The following C1GALT1 variants were observed in gnomAD, a reference collection of about 807,000 sequenced individuals.
C1GALT1 encodes core 1 synthase, glycoprotein-N-acetylgalactosamine 3-beta-galactosyltransferase 1.
C1GALT1 carries 11 observed loss-of-function variants against 31.0 expected under a neutral mutation model. The ratio of observed to expected loss-of-function variants is 0.36; its 90% CI spans 0.22 to 0.59. C1GALT1 has a LOEUF of 0.59. Among genes scored for constraint, C1GALT1 ranks in the 20% least tolerant of loss-of-function variants. C1GALT1 has a pLI of 0.79. For synonymous variants in C1GALT1, 175 were observed against 143.6 expected (o/e 1.22, Z -1.56); for missense variants, 424 against 425.2 (o/e 1.00, Z 0.03).
At chr7:7,222,900 G>A (rs1446577437) in intron 1 of C1GALT1, among the ~76,000 whole-genome samples, 2 of 107,152 alleles carry the variant, frequency 1.9e-5, no homozygotes, top group Non-Finnish European at 3.7e-5. Flanking sequence ...AGGTATGTGA[G>A]TTTTTTTTTG....
At chr7:7,196,284 A>C (rs941476615) in intron 1 of C1GALT1, among the ~76,000 whole-genome samples, 2 of 146,078 alleles carry the variant, frequency 1.4e-5, no homozygotes, top group African/African-American at 5.1e-5. Flanking sequence ...TCATTGTTTA[A>C]TTCCCACCTA....
At chr7:7,229,954 G>A (rs373717452) in intron 1 of C1GALT1, among the ~76,000 whole-genome samples, 2 of 152,280 alleles carry the variant, frequency 1.3e-5, no homozygotes, top group Non-Finnish European at 1.5e-5. Flanking sequence ...AGAGCAAAAG[G>A]TGTAAACATG....
At chr7:7,161,804 T>G (rs1780336147) in intron 2 of C1GALT1, among the ~76,000 whole-genome samples, 1 of 152,148 alleles carries the variant, frequency 6.6e-6, no homozygotes, top group South Asian at 2.1e-4. Flanking sequence ...CCATATTTTC[T>G]ATGGTAGGTG....
chr7:7,228,068 G>A (rs117820490), intron 1 of C1GALT1, among the ~76,000 whole-genome samples: 197 of 152,272 alleles, frequency 1.3e-3, no homozygotes, highest in Non-Finnish European at 2.0e-3. Context: ...GGGAATACTA[G>A]TCCGTACTTT....
At chr7:7,233,460 C>G (rs1285015657) in intron 1 of C1GALT1, among the ~76,000 whole-genome samples, 1 of 152,118 alleles carries the variant, frequency 6.6e-6, no homozygotes, top group Non-Finnish European at 1.5e-5. Flanking sequence ...CCATGCCCAG[C>G]TAATTTTTTA....
At chr7:7,239,672 A>G (rs1312701887) in intron 3 of C1GALT1, among the ~76,000 whole-genome samples, 1 of 152,214 alleles carries the variant, frequency 6.6e-6, no homozygotes, top group Non-Finnish European at 1.5e-5. Context: ...TGAGAATTTT[A>G]TCTAAAGTGC....
chr7:7,158,910 A>G (rs1026821211), intron 2 of C1GALT1, among the ~76,000 whole-genome samples: 2 of 152,168 alleles, frequency 1.3e-5, no homozygotes, highest in African/African-American at 4.8e-5. Context: ...AAGGCATTCT[A>G]TCTCAAACTG....
At chr7:7,204,097 G>GTTTTTTTTTTTTTT (rs74853892) in intron 1 of C1GALT1, among the ~76,000 whole-genome samples, 7 of 129,642 alleles carry the variant, frequency 5.4e-5, no homozygotes, top group Non-Finnish European at 8.1e-5. Context: ...CTCCTCTTCT[G>GTTTTTTTTTTTTTT]TTTTTTTTTT....
intron 3 of C1GALT1, among the ~76,000 whole-genome samples, chr7:7,240,030 CT>C (rs1783553532): frequency 6.6e-6 from 1 of 152,194 alleles, no homozygotes; most frequent in Non-Finnish European, 1.5e-5. Context: ...TCTATGCCTT[CT>C]TTTCTGTGGA....
intron 1 of C1GALT1, 137 bp from the exon 2 acceptor site, chr7:7,234,165 GA>G: frequency 1.5e-6 from 1 of 646,316 alleles, no homozygotes; most frequent in Non-Finnish European, 2.7e-6. Context: ...GCAGCAAATA[GA>G]GGGGTAAACT....
intron 1 of C1GALT1, among the ~76,000 whole-genome samples, chr7:7,218,496 G>C (rs1262465331): frequency 2.0e-5 from 3 of 152,162 alleles, no homozygotes; most frequent in Non-Finnish European, 2.9e-5. Context: ...CATCAGAGTG[G>C]TTAAAATGGA....
rs556868755 is a variant in C1GALT1 at position 7,198,904 on chromosome 7, A to G, written c.-18+16084A>G. Among the ~76,000 whole-genome samples the G allele has an allele frequency of 6.6e-5, 10 of 151,782 alleles. No homozygotes were observed. In the South Asian group the frequency reaches 1.9e-3, roughly 28 times the overall value. ...TATGCCCTTTATCATTTTTTATTGC[A>G]TCTATTTGATTCTTCTCTCTTTTCT... On this transcript the variant is annotated intron_variant, in intron 1 of 3. Coordinates refer to ENST00000436587, the MANE Select transcript of C1GALT1 (RefSeq NM_020156.5).
intron 1 of C1GALT1, among the ~76,000 whole-genome samples, chr7:7,229,874 C>G (rs748866620): frequency 9.2e-5 from 14 of 151,972 alleles, no homozygotes; most frequent in Non-Finnish European, 2.1e-4. Context: ...AGAGAAGGAT[C>G]GTTGAGTGGG....
chr7:7,217,981 A>T (rs1389912304), intron 1 of C1GALT1, among the ~76,000 whole-genome samples: 1 of 152,242 alleles, frequency 6.6e-6, no homozygotes, highest in African/African-American at 2.4e-5. Context: ...AGAGAAAGAC[A>T]CATGAGCCCA....
intron 1 of C1GALT1, among the ~76,000 whole-genome samples, chr7:7,192,380 C>G (rs567982184): frequency 2.6e-5 from 4 of 152,136 alleles, no homozygotes; most frequent in African/African-American, 9.6e-5. Flanking sequence ...TTATGAGTGA[C>G]AACTTACAAT....
In C1GALT1 at chr7:7,162,583, C is replaced by T. The variant is rs1041815657; in HGVS notation, c.-18+5157C>T. On this transcript the variant is annotated intron_variant, in intron 2 of 3. Coordinates refer to the C1GALT1 transcript ENST00000429911. ...TAGTGCCACAATAAACATACATGTGCATGTGTCTTTATAGCAGCATGATTT... is the reference window on the plus strand; with the variant it reads ...TAGTGCCACAATAAACATACATGTGTATGTGTCTTTATAGCAGCATGATTT... 4.3e-3 allele frequency among the ~76,000 whole-genome samples: 652 copies of T among 151,968 alleles called. 4 individuals carry two copies. Among genetic ancestry groups the T allele is most frequent in the African/African-American group, 0.015 (613 of 41,428 alleles).
Position 7,192,253 on chromosome 7 carries a change from G to A in C1GALT1, c.-18+9433G>A, listed in dbSNP as rs184945934. Among the ~76,000 whole-genome samples the A allele has an allele frequency of 2.8e-4, 43 of 151,896 alleles. No individual in the cohort carries two copies. In the East Asian group the frequency reaches 7.6e-3, roughly 27 times the overall value. On this transcript the variant is annotated intron_variant, in intron 1 of 3. Coordinates refer to ENST00000436587, the MANE Select transcript of C1GALT1 (RefSeq NM_020156.5). ...TGGGTGCACCCCTCACCCAAGCAGT[G>A]TACACAGTACCCAATGTGTAGTCAT...
chr7:7,221,604 C>T (rs911427081), intron 1 of C1GALT1, among the ~76,000 whole-genome samples: 4 of 152,348 alleles, frequency 2.6e-5, no homozygotes, highest in Admixed American at 2.6e-4. Context: ...TGGGACTAAT[C>T]ACCAGTGGTT....
intron 2 of C1GALT1, among the ~76,000 whole-genome samples, chr7:7,168,275 G>C (rs917391815): frequency 6.6e-6 from 1 of 152,198 alleles, no homozygotes; most frequent in Non-Finnish European, 1.5e-5. Flanking sequence ...GCAGAGTACG[G>C]CTGGAAGGCC....
Sources: allele counts gnomAD v4.1 joint callset (sites outside exome capture counted in the v4.1 genomes callset), GRCh38; gene constraint gnomAD v4.1.1; transcripts MANE v1.5; gene names NCBI Gene and HGNC (gene_info 2026-07-23, HGNC 2026-07-21).